The following TMEM178B variants were observed in gnomAD, a reference collection of about 807,000 sequenced individuals.
The protein encoded by TMEM178B is transmembrane protein 178B.
TMEM178B carries 5 observed loss-of-function variants against 31.0 expected under a neutral mutation model. The observed-to-expected ratio is 0.16, with a 90% CI of 0.08 to 0.34. The LOEUF (loss-of-function observed/expected upper bound fraction) is 0.34, where lower values mean the gene tolerates loss of function less well. Among genes scored for constraint, TMEM178B ranks in the 10% least tolerant of loss-of-function variants. The pLI is 1.00. For missense variants in TMEM178B, 275 were observed against 400.3 expected (o/e 0.69, Z 2.67); for synonymous variants, 164 against 164.0 (o/e 1.00, Z 0.00).
chr7:141,305,068 T>C (rs978287578), intron 2 of TMEM178B, among the ~76,000 whole-genome samples: 1 of 152,160 alleles, frequency 6.6e-6, no homozygotes, highest in African/African-American at 2.4e-5. Flanking sequence ...AGATTAATGT[T>C]CCCCAGGTAA....
intron 1 of TMEM178B, among the ~76,000 whole-genome samples, chr7:141,104,153 C>T (rs1795102554): frequency 6.6e-6 from 1 of 152,150 alleles, no homozygotes; most frequent in Admixed American, 6.5e-5. Flanking sequence ...ATTTGCTTTT[C>T]CCCGACCTCC....
At chr7:141,282,260 G>A (rs996788262) in intron 2 of TMEM178B, among the ~76,000 whole-genome samples, 2 of 152,228 alleles carry the variant, frequency 1.3e-5, no homozygotes, top group Non-Finnish European at 2.9e-5. Context: ...AAATACCCCT[G>A]GGTTTGCAAG....
At chr7:141,464,024 T>C (rs1802106667) in intron 3 of TMEM178B, among the ~76,000 whole-genome samples, 1 of 152,204 alleles carries the variant, frequency 6.6e-6, no homozygotes, top group African/African-American at 2.4e-5. Flanking sequence ...TCCAGTGATC[T>C]GTTACAGCGG....
Position 141,162,933 on chromosome 7 carries a change from A to G in TMEM178B, c.383-49658A>G, listed in dbSNP as rs115033621. Among the ~76,000 whole-genome samples, 1,349 of 152,346 alleles carry G rather than the reference A, an allele frequency of 8.9e-3. 17 individuals are homozygous for G. The highest frequency in any genetic ancestry group is 0.031 in the African/African-American group (1,293 of 41,570). On this transcript the variant is annotated intron_variant, in intron 1 of 3. Transcript: ENST00000565468. Reference sequence around the variant, plus strand: ...CATTTCCTGTAGAACGTTTTATGGCATATGCATATAGCCAGTGCTTGCCAA... The same window carrying G: ...CATTTCCTGTAGAACGTTTTATGGCGTATGCATATAGCCAGTGCTTGCCAA...
intron 2 of TMEM178B, among the ~76,000 whole-genome samples, chr7:141,435,216 C>T (rs879669622): frequency 1.3e-5 from 2 of 152,218 alleles, no homozygotes; most frequent in Non-Finnish European, 2.9e-5. Context: ...GCCCCTGTCT[C>T]TCACCAAGTA....
intron 2 of TMEM178B, among the ~76,000 whole-genome samples, chr7:141,381,171 A>G (rs939551903): frequency 3.3e-5 from 5 of 152,238 alleles, no homozygotes; most frequent in African/African-American, 1.2e-4. Flanking sequence ...TAATCTTTAC[A>G]TGGAATTCAG....
chr7:141,078,349 A>G (rs1794629905), intron 1 of TMEM178B, among the ~76,000 whole-genome samples: 2 of 152,212 alleles, frequency 1.3e-5, no homozygotes, highest in Admixed American at 6.5e-5. Flanking sequence ...ACTTTTTATT[A>G]TTTGAAAATT....
rs548826352 is a variant in TMEM178B, at chr7:141,389,885, C to A, written c.497-47723C>A. 5.3e-5 allele frequency among the ~76,000 whole-genome samples: 8 copies of A among 152,280 alleles called. No homozygotes were observed. The South Asian group carries it at 1.7e-3, about 32-fold the overall frequency. On this transcript the variant is annotated intron_variant, in intron 2 of 3. Transcript: ENST00000565468. ...TGACTGGCATGAGCACCTCGAAGGT[C>A]TGCCTGGGATGTCTAGAAAAGGAGA...
At chr7:141,201,278 A>G (rs966870893) in intron 1 of TMEM178B, among the ~76,000 whole-genome samples, 12 of 152,154 alleles carry the variant, frequency 7.9e-5, no homozygotes, top group African/African-American at 2.9e-4. Context: ...CTGGGTTTGC[A>G]CAGGTCTGAC....
At chr7:141,085,013 G>A (rs1794755366) in intron 1 of TMEM178B, among the ~76,000 whole-genome samples, 1 of 151,962 alleles carries the variant, frequency 6.6e-6, no homozygotes, top group African/African-American at 2.4e-5. Flanking sequence ...TGAGTAGCTG[G>A]GATTACAGGT....
At chr7:141,111,930 A>C (rs1374508053) in intron 1 of TMEM178B, among the ~76,000 whole-genome samples, 2 of 152,218 alleles carry the variant, frequency 1.3e-5, no homozygotes, top group African/African-American at 4.8e-5. Context: ...TGTGTGTATT[A>C]ATTTACAGTA....
In TMEM178B at chr7:141,454,686, C is replaced by A. The variant is rs375134565; in HGVS notation, c.635-15850C>A. ...GGTTAGTGTATCTGCTCTACAGATT[C>A]AAACGTTCCCTCCTAAAATGTAAAC... On this transcript the variant is annotated intron_variant, in intron 3 of 3. Transcript: ENST00000565468. 3.3e-5 allele frequency among the ~76,000 whole-genome samples: 5 copies of A among 151,808 alleles called. No homozygotes were observed. The South Asian group carries it at 6.2e-4, about 19-fold the overall frequency.
chr7:141,182,235 C>T (rs866357257), intron 1 of TMEM178B, among the ~76,000 whole-genome samples: 19 of 152,110 alleles, frequency 1.2e-4, no homozygotes, highest in Admixed American at 3.9e-4. Flanking sequence ...CAGGCCACCA[C>T]GATTGAGAAG....
At chr7:141,421,035 G>A (rs994231142) in intron 2 of TMEM178B, among the ~76,000 whole-genome samples, 1 of 152,130 alleles carries the variant, frequency 6.6e-6, no homozygotes. Flanking sequence ...AGGAGCTAGA[G>A]GCTATCTCCC....
chr7:141,213,482 C>CT (rs1285136855), intron 2 of TMEM178B, among the ~76,000 whole-genome samples: 1 of 152,216 alleles, frequency 6.6e-6, no homozygotes, highest in African/African-American at 2.4e-5. Context: ...CAGGTTCATG[C>CT]TGCCTCTGTT....
At chr7:141,130,481 A>G (rs1436196420) in intron 1 of TMEM178B, among the ~76,000 whole-genome samples, 1 of 152,228 alleles carries the variant, frequency 6.6e-6, no homozygotes, top group African/African-American at 2.4e-5. Context: ...CATGAGAGTC[A>G]TCCAAGTGGT....
At position 141,249,583 on chromosome 7, in the gene TMEM178B, G is replaced by C. The variant is rs929205315; in HGVS notation, c.496+36879G>C. On this transcript the variant is annotated intron_variant, in intron 2 of 3. Coordinates refer to ENST00000565468, the MANE Select transcript of TMEM178B (RefSeq NM_001195278.2). Reference sequence around the variant, plus strand: ...GAGGGCAGAAGAAGGCCCAGTTCAGGGAGGGTGTTAGCAGGATGCTGACAC... The same window carrying C: ...GAGGGCAGAAGAAGGCCCAGTTCAGCGAGGGTGTTAGCAGGATGCTGACAC... Among the ~76,000 whole-genome samples, 24 of 152,214 alleles carry C rather than the reference G, an allele frequency of 1.6e-4. 1 individual carries two copies. Among genetic ancestry groups the C allele is most frequent in the Admixed American group, 1.6e-3 (24 of 15,284 alleles).
At chr7:141,421,009 A>C (rs1421753804) in intron 2 of TMEM178B, among the ~76,000 whole-genome samples, 1 of 152,208 alleles carries the variant, frequency 6.6e-6, no homozygotes, top group Non-Finnish European at 1.5e-5. Context: ...GCTTCTATAA[A>C]GTAAGAACTA....
chr7:141,396,865 G>T (rs911898646), intron 2 of TMEM178B, among the ~76,000 whole-genome samples: 2 of 152,140 alleles, frequency 1.3e-5, no homozygotes, highest in Admixed American at 6.5e-5. Flanking sequence ...GAGGGTTGGG[G>T]GTTGTTGAAA....
Sources: allele counts gnomAD v4.1 joint callset (sites outside exome capture counted in the v4.1 genomes callset), GRCh38; gene constraint gnomAD v4.1.1; transcripts MANE v1.5; gene names NCBI Gene and HGNC (gene_info 2026-07-23, HGNC 2026-07-21).